SMIM35: variants seen among roughly 807,000 people sequenced by gnomAD.
The protein encoded by SMIM35 is small integral membrane protein 35.
At chr11:118,074,770 G>T (rs1783860) in intron 1 of SMIM35, among the ~76,000 whole-genome samples, 24,076 of 149,794 alleles carry the variant, frequency 0.16, 2,133 homozygotes, top group East Asian at 0.3. Flanking sequence ...AAAAAAGAAT[G>T]TGGGTTCTGG....
At chr11:118,014,281 C>T (rs1044858820) in intron 3 of SMIM35, among the ~76,000 whole-genome samples, 3 of 151,700 alleles carry the variant, frequency 2.0e-5, no homozygotes, top group African/African-American at 7.3e-5. Context: ...ATGATAGCAT[C>T]TTTCTGAATA....
At chr11:118,008,005 G>A (rs183554880) in intron 4 of SMIM35, among the ~76,000 whole-genome samples, 3 of 152,152 alleles carry the variant, frequency 2.0e-5, no homozygotes, top group East Asian at 1.9e-4. Context: ...TAGTAGCTAG[G>A]ATTATAGGCA....
intron 1 of SMIM35, among the ~76,000 whole-genome samples, chr11:118,062,929 G>T (rs945790024): frequency 3.3e-5 from 5 of 152,134 alleles, no homozygotes; most frequent in Admixed American, 6.5e-5. Flanking sequence ...TGATAAAACA[G>T]GTTGCAGTAA....
chr11:118,085,695 G>T (rs185029113), intron 1 of SMIM35, among the ~76,000 whole-genome samples: 1 of 152,170 alleles, frequency 6.6e-6, no homozygotes, highest in East Asian at 1.9e-4. Flanking sequence ...CCTTCCCAAT[G>T]GCAAACCCAT....
At chr11:118,046,616 T>C (rs1050613850) in intron 1 of SMIM35, among the ~76,000 whole-genome samples, 2 of 152,234 alleles carry the variant, frequency 1.3e-5, no homozygotes, top group African/African-American at 4.8e-5. Flanking sequence ...ATAGAGCAGC[T>C]GTTCCCAAAT....
intron 1 of SMIM35, among the ~76,000 whole-genome samples, chr11:118,042,284 T>C (rs1253967879): frequency 6.6e-6 from 1 of 151,854 alleles, no homozygotes; most frequent in Non-Finnish European, 1.5e-5. Context: ...AGAGGGGACA[T>C]TGTTGTCAAC....
intron 1 of SMIM35, among the ~76,000 whole-genome samples, chr11:118,042,068 A>AAAG (rs1555073518): frequency 8.5e-6 from 1 of 117,860 alleles, no homozygotes; most frequent in African/African-American, 3.3e-5. Context: ...AAAAAAAAAA[A>AAAG]AGAGAGAGAG....
At chr11:118,016,789 C>T (rs1235230149) in intron 1 of SMIM35, among the ~76,000 whole-genome samples, 6 of 152,118 alleles carry the variant, frequency 3.9e-5, no homozygotes, top group African/African-American at 1.4e-4. Flanking sequence ...AAAGAGATAC[C>T]ACATGTAGAG....
At chr11:118,024,773 T>A (rs1591281746) in intron 1 of SMIM35, among the ~76,000 whole-genome samples, 1 of 152,156 alleles carries the variant, frequency 6.6e-6, no homozygotes, top group African/African-American at 2.4e-5. Flanking sequence ...GTGCCCAGCC[T>A]CAACTTTTAT....
intron 4 of SMIM35, among the ~76,000 whole-genome samples, chr11:118,012,718 G>A (rs914906757): frequency 6.6e-6 from 1 of 152,176 alleles, no homozygotes; most frequent in African/African-American, 2.4e-5. Flanking sequence ...TGAAAGTGCT[G>A]GAATCAAGTA....
At chr11:118,079,813 C>T (rs569460206) in intron 1 of SMIM35, among the ~76,000 whole-genome samples, 89 of 152,320 alleles carry the variant, frequency 5.8e-4, no homozygotes, top group African/African-American at 2.0e-3. Context: ...GCAGGGTCCA[C>T]CCTGACTGGG....
chr11:118,033,561 C>A (rs1413524410), intron 1 of SMIM35, among the ~76,000 whole-genome samples: 1 of 152,008 alleles, frequency 6.6e-6, no homozygotes, highest in Non-Finnish European at 1.5e-5. Context: ...GAAAATGTCC[C>A]TGTAAAATCA....
At chr11:118,080,077 G>A (rs540413075) in intron 1 of SMIM35, among the ~76,000 whole-genome samples, 2 of 152,296 alleles carry the variant, frequency 1.3e-5, no homozygotes, top group East Asian at 1.9e-4. Flanking sequence ...CCTCTAAATG[G>A]GGCTGGGGAT....
At chr11:118,022,350 A>G (rs2058237938) in intron 1 of SMIM35, among the ~76,000 whole-genome samples, 1 of 152,200 alleles carries the variant, frequency 6.6e-6, no homozygotes, top group East Asian at 1.9e-4. Flanking sequence ...CCCCTGGCCC[A>G]ACAATAAGTC....
At chr11:118,013,996 T>C (rs1328051451) in intron 3 of SMIM35, 116 bp from the exon 4 acceptor site, 4 of 395,934 alleles carry the variant, frequency 1.0e-5, no homozygotes, top group Non-Finnish European at 1.3e-5. Context: ...GAAAAGGAAG[T>C]GGGCCACTTA....
intron 1 of SMIM35, among the ~76,000 whole-genome samples, chr11:118,032,335 G>C (rs78918731): frequency 0.023 from 3,537 of 152,250 alleles, 157 homozygotes; most frequent in African/African-American, 0.081. Flanking sequence ...GTAGGGAAAT[G>C]TCTGTAGGAA....
At chr11:118,028,795 GA>G (rs1269853822) in intron 1 of SMIM35, 1 of 443,242 alleles carries the variant, frequency 2.3e-6, no homozygotes, top group Non-Finnish European at 4.5e-6. Context: ...AGGAGGAAGA[GA>G]AAAAACAAGG....
chr11:118,035,692 A>C (rs1278518555), intron 1 of SMIM35, among the ~76,000 whole-genome samples: 1 of 152,054 alleles, frequency 6.6e-6, no homozygotes, highest in East Asian at 1.9e-4. Context: ...GGAGACTCAC[A>C]CAGTGCTCCC....
chr11:118,029,608 A>G, intron 1 of SMIM35: 3 of 456,674 alleles, frequency 6.6e-6, no homozygotes, highest in Non-Finnish European at 1.3e-5. Context: ...TTGTCATATC[A>G]CTGTCAGCAT....
Sources: allele counts gnomAD v4.1 joint callset (sites outside exome capture counted in the v4.1 genomes callset), GRCh38; gene constraint gnomAD v4.1.1; transcripts MANE v1.5; gene names NCBI Gene and HGNC (gene_info 2026-07-23, HGNC 2026-07-21).